The following SDK1 variants were observed in gnomAD, a reference collection of about 807,000 sequenced individuals.
SDK1 encodes the protein protein sidekick-1.
Under a neutral mutation model 245.5 loss-of-function variants are expected in SDK1, and 157 were observed. That is an observed-to-expected ratio of 0.64 (90% CI 0.56 to 0.73). SDK1 has a LOEUF of 0.73. Among genes scored for constraint, SDK1 ranks in the 30% least tolerant of loss-of-function variants. The pLI is 0.00. For synonymous variants in SDK1, 1,647 were observed against 1,278.5 expected (o/e 1.29, Z -6.15); for missense variants, 3,583 against 3,002.3 (o/e 1.19, Z -4.52).
intron 28 of SDK1, among the ~76,000 whole-genome samples, chr7:4,141,085 C>G (rs976538841): frequency 6.6e-6 from 1 of 152,198 alleles, no homozygotes; most frequent in Non-Finnish European, 1.5e-5. Context: ...AGGCAAGGAC[C>G]ACACACGAAA....
At chr7:3,684,198 A>C (rs1022613392) in intron 4 of SDK1, among the ~76,000 whole-genome samples, 1 of 152,232 alleles carries the variant, frequency 6.6e-6, no homozygotes, top group Non-Finnish European at 1.5e-5. Context: ...CTCTACCCCA[A>C]CTCAGCATCA....
chr7:3,306,741 C>T (rs960834973), intron 1 of SDK1, among the ~76,000 whole-genome samples: 12 of 152,276 alleles, frequency 7.9e-5, no homozygotes, highest in South Asian at 2.1e-4. Flanking sequence ...CTCAGAGCCC[C>T]TGTATTGCTT....
At position 4,083,314 on chromosome 7, in the gene SDK1, G is replaced by C. The variant is rs114462548; in HGVS notation, c.3324+3730G>C. ...CACTCATCTGCTTCCTGTCACTATA[G>C]GTTACAGCTCTGTTAATCTAGTGGA... On this transcript the variant is annotated intron_variant, in intron 22 of 44. Transcript: ENST00000404826. Among the ~76,000 whole-genome samples the C allele has an allele frequency of 1.2e-3, 186 of 151,538 alleles. 1 individual carries two copies. The highest frequency in any genetic ancestry group is 4.4e-3 in the African/African-American group (180 of 41,274).
chr7:3,691,262 C>T (rs1784430710), intron 4 of SDK1, among the ~76,000 whole-genome samples: 2 of 152,078 alleles, frequency 1.3e-5, no homozygotes, highest in Non-Finnish European at 2.9e-5. Flanking sequence ...TTATGATTAC[C>T]ACAGAGTAAA....
chr7:4,196,080 G>A (rs1783560305), intron 35 of SDK1, among the ~76,000 whole-genome samples: 2 of 152,202 alleles, frequency 1.3e-5, no homozygotes, highest in African/African-American at 4.8e-5. Flanking sequence ...GTATCGTTAT[G>A]TCCAAGCCTA....
intron 4 of SDK1, among the ~76,000 whole-genome samples, chr7:3,679,484 G>A (rs201600024): frequency 2.0e-5 from 3 of 152,062 alleles, no homozygotes; most frequent in Non-Finnish European, 2.9e-5. Context: ...GGAGAATGGC[G>A]TGAACCCGGG....
At chr7:4,176,081 T>C (rs914617874) in intron 34 of SDK1, among the ~76,000 whole-genome samples, 1 of 152,056 alleles carries the variant, frequency 6.6e-6, no homozygotes. Flanking sequence ...GAAAGCCAGA[T>C]AGAACAAGAT....
intron 19 of SDK1, among the ~76,000 whole-genome samples, chr7:4,061,852 A>T (rs1172164930): frequency 5.3e-5 from 8 of 151,812 alleles, no homozygotes; most frequent in Non-Finnish European, 7.4e-5. Context: ...TGAAATTGGA[A>T]ATCATCATTC....
At chr7:4,237,499 C>A (rs1397499364) in intron 41 of SDK1, 148 bp from the exon 42 acceptor site, 3 of 853,868 alleles carry the variant, frequency 3.5e-6, no homozygotes, top group East Asian at 2.5e-5. Context: ...TGGGAAAAGT[C>A]CACCCGCCCG....
At chr7:3,522,839 G>A (rs1782987703) in intron 1 of SDK1, among the ~76,000 whole-genome samples, 1 of 152,054 alleles carries the variant, frequency 6.6e-6, no homozygotes, top group African/African-American at 2.4e-5. Flanking sequence ...GGGGGGTGAG[G>A]TTCGCTATTC....
chr7:3,893,312 C>T (rs1248851199), intron 5 of SDK1, among the ~76,000 whole-genome samples: 1 of 152,168 alleles, frequency 6.6e-6, no homozygotes, highest in African/African-American at 2.4e-5. Flanking sequence ...CTGAATCGCA[C>T]TGTCTGCTCC....
intron 1 of SDK1, among the ~76,000 whole-genome samples, chr7:3,529,704 T>C (rs1354387652): frequency 6.6e-6 from 1 of 152,128 alleles, no homozygotes; most frequent in African/African-American, 2.4e-5. Flanking sequence ...GGATGTTTGA[T>C]GAGAAACAGA....
At chr7:3,758,138 G>A (rs922434767) in intron 4 of SDK1, among the ~76,000 whole-genome samples, 4 of 152,098 alleles carry the variant, frequency 2.6e-5, no homozygotes, top group Non-Finnish European at 4.4e-5. Flanking sequence ...CAAAGAATTC[G>A]TGGGCATATG....
chr7:3,740,939 A>G (rs1319487066), intron 4 of SDK1, among the ~76,000 whole-genome samples: 1 of 152,176 alleles, frequency 6.6e-6, no homozygotes, highest in East Asian at 1.9e-4. Context: ...AACCATAGAA[A>G]CATTCTGTAG....
At chr7:3,433,278 T>C (rs983147725) in intron 1 of SDK1, among the ~76,000 whole-genome samples, 9 of 152,002 alleles carry the variant, frequency 5.9e-5, no homozygotes, top group Admixed American at 2.0e-4. Flanking sequence ...ACCAGACTGC[T>C]GTAATCTACA....
Position 3,333,392 on chromosome 7 carries a change from T to A in SDK1, c.298+31508T>A, listed in dbSNP as rs533784096. ...AGGTGTTCGTTACATTTCATAACCT[T>A]ATGTTGCCATTTAATGAGGTCAAAG... On this transcript the variant is annotated intron_variant, in intron 1 of 44. Transcript: ENST00000404826. Among the ~76,000 whole-genome samples the A allele has an allele frequency of 2.0e-5, 3 of 152,290 alleles. No homozygotes were observed. In the East Asian group the frequency reaches 5.8e-4, roughly 29 times the overall value.
chr7:3,875,577 C>T (rs909916505), intron 5 of SDK1, among the ~76,000 whole-genome samples: 30 of 152,198 alleles, frequency 2.0e-4, no homozygotes, highest in Admixed American at 1.9e-3. Context: ...TCTTTATCCC[C>T]ACTTCAGCTT....
In SDK1 at chr7:4,268,757, T is replaced by C. The variant is rs1043045061; in HGVS notation, c.*3373T>C. The C allele has an allele frequency of 5.1e-6, 7 of 1,367,346 alleles. No individual in the cohort carries two copies. Among genetic ancestry groups the C allele is most frequent in the African/African-American group, 1.5e-5 (1 of 67,706 alleles). 84.7% of individuals were successfully genotyped at this position (1,367,346 alleles called of 1,614,324 possible). A position where few individuals can be genotyped will look rare whatever the true frequency, so the allele number is the denominator to read the frequency against. On this transcript the variant is annotated 3_prime_UTR_variant, in exon 45 of 45. Coordinates refer to ENST00000404826, the MANE Select transcript of SDK1 (RefSeq NM_152744.4). ...TGGGTCAGCGTCCTGGTAGCATGGA[T>C]CCAGTCTGAAAGGTGAGGACAACGT...
intron 17 of SDK1, among the ~76,000 whole-genome samples, chr7:4,030,056 A>T (rs1787675483): frequency 6.6e-6 from 1 of 152,298 alleles, no homozygotes; most frequent in South Asian, 2.1e-4. Context: ...TTCCAGATCG[A>T]GGTAAATGGC....
Sources: gnomAD v4.1 joint callset for allele counts (sites outside exome capture counted in the v4.1 genomes callset) on GRCh38, gnomAD v4.1.1 for gene constraint, MANE v1.5 for transcripts, NCBI Gene and HGNC (gene_info 2026-07-23, HGNC 2026-07-21) for gene names.